GALNT18: variants seen among roughly 807,000 people sequenced by gnomAD.
GALNT18 encodes GalNAc-transferase 18.
Under a neutral mutation model 69.5 loss-of-function variants are expected in GALNT18, and 44 were observed. The ratio of observed to expected loss-of-function variants is 0.63; its 90% confidence interval spans 0.50 to 0.81. The LOEUF (loss-of-function observed/expected upper bound fraction) is 0.81, where lower values mean the gene tolerates loss of function less well. Ranked by LOEUF, GALNT18 falls within the 40% of genes least tolerant of loss-of-function variation. The pLI, the probability that GALNT18 is intolerant of heterozygous loss-of-function variation, is 0.00. For missense variants in GALNT18, 715 were observed against 810.0 expected, an observed-to-expected ratio of 0.88 and a Z score of 1.42; for synonymous variants, 364 against 318.2, an observed-to-expected ratio of 1.14 and a Z score of -1.53.
intron 1 of GALNT18, among the ~76,000 whole-genome samples, chr11:11,474,312 G>C (rs1395775843): frequency 6.6e-6 from 1 of 152,166 alleles, no homozygotes; most frequent in Non-Finnish European, 1.5e-5. Flanking sequence ...TGGCCAGAAA[G>C]AACTCAGGGG....
intron 9 of GALNT18, among the ~76,000 whole-genome samples, chr11:11,297,579 T>G (rs900675853): frequency 6.6e-6 from 1 of 152,112 alleles, no homozygotes; most frequent in African/African-American, 2.4e-5. Context: ...ACTTCCACTG[T>G]GATCCCTTCC....
chr11:11,502,386 G>T (rs1856991978), intron 1 of GALNT18, among the ~76,000 whole-genome samples: 1 of 152,220 alleles, frequency 6.6e-6, no homozygotes, highest in African/African-American at 2.4e-5. Flanking sequence ...CCTTTGAGAG[G>T]CCCTGGTTCC....
intron 1 of GALNT18, among the ~76,000 whole-genome samples, chr11:11,594,829 A>ATT: frequency 3.3e-5 from 1 of 30,094 alleles, no homozygotes; most frequent in East Asian, 0.016. Context: ...ATATATATAT[A>ATT]TATATATATA....
At chr11:11,567,541 C>CT (rs1357929985) in intron 1 of GALNT18, among the ~76,000 whole-genome samples, 11 of 152,194 alleles carry the variant, frequency 7.2e-5, no homozygotes, top group African/African-American at 2.4e-4. Context: ...TACCCTCCTG[C>CT]TTCCCTGAAA....
chr11:11,614,379 A>AGGAGGAGGAGGAGGAG lies in GALNT18; in HGVS notation c.235+6964_235+6979dup, dbSNP rs1859995840. Among the ~76,000 whole-genome samples, 1 of 151,390 alleles carries AGGAGGAGGAGGAGGAG rather than the reference A, an allele frequency of 6.6e-6. No homozygotes were observed. Among genetic ancestry groups the AGGAGGAGGAGGAGGAG allele is most frequent in the South Asian group, 2.1e-4 (1 of 4,786 alleles). ...GAAGAAGAAGAGGAGGAGGAGGAGG[A>AGGAGGAGGAGGAGGAG]GGAGGAGGAGGAGGAGGGAGGAGGA... On this transcript the variant is annotated intron_variant, in intron 1 of 10. Transcript: ENST00000227756. The surrounding 1 kb of genome is among the most constrained non-coding windows in gnomAD (Gnocchi z 5.6).
intron 7 of GALNT18, among the ~76,000 whole-genome samples, chr11:11,334,537 C>T (rs1409458781): frequency 1.5e-5 from 2 of 130,418 alleles, no homozygotes; most frequent in Non-Finnish European, 3.5e-5. Context: ...AGCAAGACTC[C>T]GTCTCCAAAA....
rs377172066 is a variant in GALNT18, at chr11:11,376,153, C to A, written c.977+1029G>T. Among the ~76,000 whole-genome samples, 9 of 152,160 alleles carry A rather than the reference C, an allele frequency of 5.9e-5. No individual in the cohort carries two copies. The East Asian group carries it at 9.7e-4, about 16-fold the overall frequency. On this transcript the variant is annotated intron_variant, in intron 5 of 10. Coordinates refer to ENST00000227756, the MANE Select transcript of GALNT18 (RefSeq NM_198516.3). ...ATCCCAGCACTTTGGGAGGCCGAGG[C>A]GGGTAGATCACGAGGTCAGGAGTTC...
rs137872390 is a variant in GALNT18, at chr11:11,465,451, T to C, written c.236-16515A>G. 7.2e-4 allele frequency among the ~76,000 whole-genome samples: 110 copies of C among 152,200 alleles called. No individual in the cohort carries two copies. The highest frequency in any genetic ancestry group is 2.4e-3 in the African/African-American group (99 of 41,530). The stretch of plus-strand genomic sequence containing the variant: ...GCTCCTCCAGGCTGCACGGACGGTG[T>C]CACGCTGCCCTCTGATCCTGGGGCT... On this transcript the variant is annotated intron_variant, in intron 1 of 10. Transcript: ENST00000227756. This position sits in a 1 kb window ranked among gnomAD's most constrained non-coding sequence, Gnocchi z 5.7.
intron 3 of GALNT18, among the ~76,000 whole-genome samples, chr11:11,388,403 T>C (rs1055309320): frequency 1.3e-5 from 2 of 152,228 alleles, no homozygotes; most frequent in Non-Finnish European, 2.9e-5. Flanking sequence ...TGGCAGGTTA[T>C]AGAAAAATGT....
At chr11:11,491,815 C>T (rs543209492) in intron 1 of GALNT18, among the ~76,000 whole-genome samples, 3 of 152,148 alleles carry the variant, frequency 2.0e-5, no homozygotes, top group Non-Finnish European at 4.4e-5. Flanking sequence ...GAGGTGCGGA[C>T]GGGGACCTCT....
intron 1 of GALNT18, among the ~76,000 whole-genome samples, chr11:11,507,057 G>A (rs1412760026): frequency 1.3e-5 from 2 of 152,218 alleles, no homozygotes; most frequent in African/African-American, 2.4e-5. Context: ...ACCTGAAAAT[G>A]TGGGCAAACA....
Position 11,590,867 on chromosome 11 carries a change from T to C in GALNT18, c.235+30492A>G, listed in dbSNP as rs1859340531. Among the ~76,000 whole-genome samples, 2 of 152,138 alleles carry C rather than the reference T, an allele frequency of 1.3e-5. No homozygotes were observed. The highest frequency in any genetic ancestry group is 6.5e-5 in the Admixed American group (1 of 15,272). ...ACCGGTCATATAAAAGTATAGAACATACAATTATGTACAGTACATAATCAT... is the reference window on the plus strand; with the variant it reads ...ACCGGTCATATAAAAGTATAGAACACACAATTATGTACAGTACATAATCAT... On this transcript the variant is annotated intron_variant, in intron 1 of 10. Coordinates refer to ENST00000227756, the MANE Select transcript of GALNT18 (RefSeq NM_198516.3). This position sits in a 1 kb window ranked among gnomAD's most constrained non-coding sequence, Gnocchi z 4.4.
intron 2 of GALNT18, among the ~76,000 whole-genome samples, chr11:11,443,622 G>A (rs568574409): frequency 1.6e-4 from 24 of 152,082 alleles, no homozygotes; most frequent in Non-Finnish European, 2.6e-4. Context: ...GGCCATGGGG[G>A]ATGGAGCCGG....
chr11:11,529,642 C>T (rs1434359254), intron 1 of GALNT18, among the ~76,000 whole-genome samples: 1 of 151,408 alleles, frequency 6.6e-6, no homozygotes, highest in African/African-American at 2.4e-5. Context: ...TATATATACA[C>T]ACACACACAC....
intron 6 of GALNT18, among the ~76,000 whole-genome samples, chr11:11,361,758 A>G (rs1336170847): frequency 6.6e-6 from 1 of 152,210 alleles, no homozygotes; most frequent in African/African-American, 2.4e-5. Context: ...CTAGGCTCCA[A>G]GCACATTATG....
chr11:11,498,750 G>A (rs1192670065), intron 1 of GALNT18, among the ~76,000 whole-genome samples: 1 of 152,112 alleles, frequency 6.6e-6, no homozygotes, highest in East Asian at 1.9e-4. Context: ...AATGAGCCAA[G>A]ATCATGCCAC....
chr11:11,486,087 A>G (rs1261151948), intron 1 of GALNT18, among the ~76,000 whole-genome samples: 1 of 152,194 alleles, frequency 6.6e-6, no homozygotes, highest in Non-Finnish European at 1.5e-5. Context: ...GTGGGAATCT[A>G]CAAGAAGGAC....
chr11:11,485,574 T>G lies in GALNT18; in HGVS notation c.236-36638A>C, dbSNP rs138243362. 2.5e-3 allele frequency among the ~76,000 whole-genome samples: 387 copies of G among 152,262 alleles called. 1 individual carries two copies. The highest frequency in any genetic ancestry group is 8.9e-3 in the African/African-American group (371 of 41,548). ...ATAATATCACAATGGCCAGACACAA[T>G]TCCTTTTAGGGAGAAGTCTTTGCAA... is the stretch of plus-strand genomic sequence containing the variant. On this transcript the variant is annotated intron_variant, in intron 1 of 10. Transcript: ENST00000227756.
chr11:11,531,536 C>T (rs1023768059), intron 1 of GALNT18, among the ~76,000 whole-genome samples: 13 of 152,262 alleles, frequency 8.5e-5, no homozygotes, highest in Admixed American at 3.9e-4. Context: ...CACCCAGCCT[C>T]CTCAGTAAGG....
Sources: allele counts gnomAD v4.1 joint callset (sites outside exome capture counted in the v4.1 genomes callset), GRCh38; gene constraint gnomAD v4.1.1; non-coding constraint Gnocchi (gnomAD v3.1); transcripts MANE v1.5; gene names NCBI Gene and HGNC (gene_info 2026-07-23, HGNC 2026-07-21).